The following SCN1A variants were observed in gnomAD, a reference collection of about 807,000 sequenced individuals.
The protein encoded by SCN1A is sodium voltage-gated channel alpha subunit 1.
A neutral mutation model predicts 193.7 loss-of-function variants in SCN1A; 13 were observed. That is an observed-to-expected ratio of 0.07 (90% CI 0.04 to 0.11). The LOEUF is 0.11. Among genes scored for constraint, SCN1A ranks in the 10% least tolerant of loss-of-function variants. SCN1A has a pLI of 1.00. For missense variants in SCN1A, 1,432 were observed against 2,451.1 expected, an observed-to-expected ratio of 0.58 and a Z score of 8.78; for synonymous variants, 781 against 843.6, an observed-to-expected ratio of 0.93 and a Z score of 1.29.
chr2:165,985,807 A>G (rs953679387), downstream of SCN1A: 1 of 152,172 alleles, frequency 6.6e-6, no homozygotes, highest in Non-Finnish European at 1.5e-5. Context: ...TATCAGCAGT[A>G]CCCAATTCAT....
chr2:165,988,211 C>A lies in SCN1A; in HGVS notation c.*3034G>T, dbSNP rs1688728546. On this transcript the variant is annotated 3_prime_UTR_variant, in exon 29 of 29. Transcript: ENST00000674923. ...GCACTGGACTTCACTGTGGTTCCCC[C>A]AGTTACTGTTTTTCTTTATCTGCAA... The A allele has an allele frequency of 6.6e-6, 1 of 151,996 alleles. No homozygotes were observed. Among genetic ancestry groups the A allele is most frequent in the African/African-American group, 2.4e-5 (1 of 41,392 alleles). 9.4% of individuals were successfully genotyped at this position (151,996 alleles called of 1,614,324 possible).
At chr2:166,002,790 C>A in intron 23 of SCN1A, 37 bp from the exon 24 acceptor site, 1 of 1,573,930 alleles carries the variant, frequency 6.4e-7, no homozygotes, top group Non-Finnish European at 8.6e-7. Flanking sequence ...AGTCAGAATT[C>A]TTATCTGTTA....
rs943909628 is a variant in SCN1A at position 165,987,571 on chromosome 2, T to A, written c.*3674A>T. 1 of 152,178 alleles carries A rather than the reference T, an allele frequency of 6.6e-6. No individual in the cohort carries two copies. The highest frequency in any genetic ancestry group is 1.5e-5 in the Non-Finnish European group (1 of 68,028). The allele number at this position is 152,178 out of a possible 1,614,324, so 9.4% of individuals were successfully genotyped here. ...TTGTACTTTTCCTTATTTACTTACA[T>A]CAGTATGTATTTGCTGATTCTTATT... is the stretch of plus-strand genomic sequence containing the variant. On this transcript the variant is annotated 3_prime_UTR_variant, in exon 29 of 29. Transcript: ENST00000674923.
At chr2:166,052,809 A>T in intron 8 of SCN1A, 43 bp downstream of exon 8, 1 of 1,450,766 alleles carries the variant, frequency 6.9e-7, no homozygotes. Flanking sequence ...AAGGATGCTG[A>T]ATCACATGAT....
At chr2:166,118,632 T>A (rs1018098588) in intron 2 of SCN1A, among the ~76,000 whole-genome samples, 1 of 152,078 alleles carries the variant, frequency 6.6e-6, no homozygotes. Context: ...AAAATACTAC[T>A]GGCCTTTTTA....
At chr2:165,999,926 G>A (rs1442107151) in intron 24 of SCN1A, 150 bp from the exon 25 acceptor site, 4 of 692,648 alleles carry the variant, frequency 5.8e-6, no homozygotes, top group East Asian at 5.4e-5. Context: ...GACCAAGACA[G>A]TATTTTAGTA....
intron 25 of SCN1A, 68 bp downstream of exon 25, chr2:165,999,655 G>T: frequency 9.0e-7 from 1 of 1,113,882 alleles, no homozygotes; most frequent in Non-Finnish European, 1.4e-6. Flanking sequence ...GGTCGTTTAT[G>T]CTTTATTCGA....
intron 19 of SCN1A, among the ~76,000 whole-genome samples, chr2:166,020,214 G>A (rs981060330): frequency 2.6e-5 from 4 of 152,086 alleles, no homozygotes; most frequent in African/African-American, 9.7e-5. Context: ...CCGGCCCAAG[G>A]TGAACTTCTT....
In SCN1A at chr2:166,121,386, T is replaced by A. The variant is rs56924052; in HGVS notation, c.-142+5538A>T. On this transcript the variant is annotated intron_variant, in intron 2 of 28. Coordinates refer to ENST00000674923, the MANE Select transcript of SCN1A (RefSeq NM_001165963.4). Reference sequence around the variant, plus strand: ...GTTACTTATTGTAATACTTTAATTTTTTTTTACCAATTCCCCATGAATTCC... The same window carrying A: ...GTTACTTATTGTAATACTTTAATTTATTTTTACCAATTCCCCATGAATTCC... Among the ~76,000 whole-genome samples, 1,455 of 152,326 alleles carry A rather than the reference T, an allele frequency of 9.6e-3. 29 individuals carry two copies. Among genetic ancestry groups the A allele is most frequent in the African/African-American group, 0.031 (1,302 of 41,578 alleles).
intron 19 of SCN1A, among the ~76,000 whole-genome samples, chr2:166,024,139 C>CG (rs1326373518): frequency 1.3e-5 from 2 of 151,862 alleles, no homozygotes; most frequent in Non-Finnish European, 2.9e-5. Flanking sequence ...GGTGGGAGGA[C>CG]GGCTTGAGCC....
intron 26 of SCN1A, chr2:165,996,330 T>C (rs1012984958): frequency 1.0e-5 from 4 of 397,140 alleles, no homozygotes; most frequent in African/African-American, 8.3e-5. Context: ...TTATTATTAT[T>C]ATCTTATGAA....
intron 22 of SCN1A, among the ~76,000 whole-genome samples, chr2:166,010,281 A>G (rs1244915656): frequency 1.3e-5 from 2 of 151,222 alleles, no homozygotes; most frequent in African/African-American, 4.8e-5. Context: ...GTGCATCAGT[A>G]TATTCAACTA....
chr2:166,000,895 GT>G (rs35503358), intron 24 of SCN1A, among the ~76,000 whole-genome samples: 897 of 139,440 alleles, frequency 6.4e-3, no homozygotes, highest in African/African-American at 0.011. Context: ...ATTTTAGAGG[GT>G]TTTTTTTTTT....
intron 22 of SCN1A, among the ~76,000 whole-genome samples, chr2:166,010,796 T>C (rs1692341606): frequency 6.6e-6 from 1 of 151,122 alleles, no homozygotes; most frequent in South Asian, 2.1e-4. Flanking sequence ...TAGAGTGCTA[T>C]ACTGATCTTC....
chr2:166,032,273 G>C (rs1695746447), intron 19 of SCN1A, among the ~76,000 whole-genome samples: 1 of 43,374 alleles, frequency 2.3e-5, no homozygotes, highest in African/African-American at 9.7e-5. Flanking sequence ...TAGCTTATTA[G>C]TATACTCCTT....
intron 19 of SCN1A, among the ~76,000 whole-genome samples, chr2:166,032,229 A>ACACC (rs1695716923): frequency 6.6e-6 from 1 of 151,602 alleles, no homozygotes; most frequent in Non-Finnish European, 1.5e-5. Flanking sequence ...ACACACACAC[A>ACACC]CACACAGAGA....
At position 165,989,262 on chromosome 2, in the gene SCN1A, A is replaced by C. The variant is rs1688831318; in HGVS notation, c.*1983T>G. 1 of 152,536 alleles carries C rather than the reference A, an allele frequency of 6.6e-6. No individual in the cohort carries two copies. Among genetic ancestry groups the C allele is most frequent in the African/African-American group, 2.4e-5 (1 of 41,424 alleles). The allele number at this position is 152,536 out of a possible 1,614,324, so 9.4% of individuals were successfully genotyped here. On this transcript the variant is annotated 3_prime_UTR_variant, in exon 29 of 29. Coordinates refer to ENST00000674923, the MANE Select transcript of SCN1A (RefSeq NM_001165963.4). ...TTTCCAGCATGCAGTTCACGAATAC[A>C]GTTTATCTAAGTAGTTTTAAGGAAA...
At chr2:166,033,888 C>T (rs1280023735) in intron 19 of SCN1A, among the ~76,000 whole-genome samples, 1 of 152,006 alleles carries the variant, frequency 6.6e-6, no homozygotes, top group South Asian at 2.1e-4. Context: ...TCATCAAATG[C>T]TAAATGTAGG....
intron 2 of SCN1A, among the ~76,000 whole-genome samples, chr2:166,081,860 AT>A (rs1193155491): frequency 2.0e-5 from 3 of 152,010 alleles, no homozygotes; most frequent in Non-Finnish European, 2.9e-5. Flanking sequence ...AATTGCTATT[AT>A]TTTTTTGCCT....
Sources: gnomAD v4.1 joint callset for allele counts (sites outside exome capture counted in the v4.1 genomes callset) on GRCh38, gnomAD v4.1.1 for gene constraint, MANE v1.5 for transcripts, NCBI Gene and HGNC (gene_info 2026-07-23, HGNC 2026-07-21) for gene names.